The following NBAS variants were observed in gnomAD, a reference collection of about 807,000 sequenced individuals.
NBAS encodes the protein NAG/BC035112 fusion.
Under a neutral mutation model 302.5 loss-of-function variants are expected in NBAS, and 219 were observed. The observed-to-expected ratio is 0.72, with a 90% CI of 0.65 to 0.81. The LOEUF is 0.81. Ranked by LOEUF, NBAS falls within the 30% of genes least tolerant of loss-of-function variation. NBAS has a pLI of 0.00. For synonymous variants in NBAS, 1,118 were observed against 1,021.6 expected (o/e 1.09, Z -1.80); for missense variants, 2,932 against 2,841.6 (o/e 1.03, Z -0.72).
intron 9 of NBAS, among the ~76,000 whole-genome samples, chr2:15,522,611 T>C (rs1454356785): frequency 6.6e-6 from 1 of 152,094 alleles, no homozygotes; most frequent in Non-Finnish European, 1.5e-5. Context: ...AGGCTGCCTA[T>C]AAAAATATAT....
chr2:15,153,907 C>G, the NBAS span, among the ~76,000 whole-genome samples: 1 of 152,134 alleles, frequency 6.6e-6, no homozygotes, highest in South Asian at 2.1e-4. Flanking sequence ...CAGTGCTGTA[C>G]TAATGTGTGT....
At chr2:15,185,602 G>C (rs1665037930) in intron 50 of NBAS, among the ~76,000 whole-genome samples, 1 of 152,166 alleles carries the variant, frequency 6.6e-6, no homozygotes, top group Non-Finnish European at 1.5e-5. Flanking sequence ...CAATATAGCA[G>C]AGCAGATCAC....
chr2:15,141,317 T>G, the NBAS span, among the ~76,000 whole-genome samples: 1 of 152,204 alleles, frequency 6.6e-6, no homozygotes, highest in Non-Finnish European at 1.5e-5. Context: ...ATGAGTTCAG[T>G]GATTTCACAC....
intron 21 of NBAS, among the ~76,000 whole-genome samples, chr2:15,446,021 A>T (rs1678720128): frequency 6.6e-6 from 1 of 152,234 alleles, no homozygotes; most frequent in South Asian, 2.1e-4. Context: ...TATAAAAAAG[A>T]AACTTTTTAA....
chr2:15,519,217 A>C (rs1170849978), intron 9 of NBAS, among the ~76,000 whole-genome samples: 1 of 152,198 alleles, frequency 6.6e-6, no homozygotes, highest in Non-Finnish European at 1.5e-5. Context: ...CTGAAGAAAC[A>C]TCTTAGTAAA....
At chr2:14,831,100 C>A in the NBAS span, among the ~76,000 whole-genome samples, 2 of 152,152 alleles carry the variant, frequency 1.3e-5, no homozygotes, top group Non-Finnish European at 1.5e-5. Flanking sequence ...TGCTTTGTGC[C>A]ACATGGGGAA....
chr2:15,275,972 T>A (rs1669565759), intron 43 of NBAS, among the ~76,000 whole-genome samples, 154 bp from the exon 44 acceptor site: 1 of 152,166 alleles, frequency 6.6e-6, no homozygotes, highest in Non-Finnish European at 1.5e-5. Flanking sequence ...ATTAGAAAGA[T>A]CAGGAGATCT....
chr2:14,906,011 C>A, the NBAS span, among the ~76,000 whole-genome samples: 184 of 152,264 alleles, frequency 1.2e-3, 2 homozygotes, highest in Non-Finnish European at 1.3e-3. Flanking sequence ...TTCCCAAGGG[C>A]AAGGAATATT....
At chr2:15,403,062 A>G (rs1676230829) in intron 25 of NBAS, among the ~76,000 whole-genome samples, 1 of 150,420 alleles carries the variant, frequency 6.6e-6, no homozygotes, top group Non-Finnish European at 1.5e-5. Flanking sequence ...GCATGCTTAT[A>G]TTATTAGCAC....
At chr2:15,514,885 A>C (rs1662314257) in intron 9 of NBAS, among the ~76,000 whole-genome samples, 1 of 152,150 alleles carries the variant, frequency 6.6e-6, no homozygotes, top group South Asian at 2.1e-4. Flanking sequence ...CAAAAGGTTA[A>C]GATCCCCTAA....
chr2:15,176,052 A>C (rs1291363288), intron 51 of NBAS, among the ~76,000 whole-genome samples: 1 of 152,182 alleles, frequency 6.6e-6, no homozygotes, highest in East Asian at 1.9e-4. Flanking sequence ...TTATTGATGA[A>C]CTCAAGCGCC....
At chr2:15,238,066 C>T (rs1667684042) in intron 45 of NBAS, among the ~76,000 whole-genome samples, 1 of 152,138 alleles carries the variant, frequency 6.6e-6, no homozygotes. Context: ...TGAGCCACCG[C>T]GCCCAGCCTA....
intron 48 of NBAS, among the ~76,000 whole-genome samples, chr2:15,195,771 C>T (rs1665592198): frequency 1.3e-5 from 2 of 152,266 alleles, no homozygotes; most frequent in East Asian, 1.9e-4. Context: ...AGCATGTACA[C>T]TAAGAGGCAA....
At chr2:15,285,685 C>T (rs576578349) in intron 42 of NBAS, among the ~76,000 whole-genome samples, 3 of 152,268 alleles carry the variant, frequency 2.0e-5, no homozygotes, top group African/African-American at 7.2e-5. Context: ...CAGAGTCTCG[C>T]TCTGTTGCCT....
the NBAS span, among the ~76,000 whole-genome samples, chr2:14,860,717 T>C: frequency 6.6e-6 from 1 of 151,806 alleles, no homozygotes; most frequent in Non-Finnish European, 1.5e-5. Context: ...GAAGGGAGGG[T>C]GATTAATGGG....
the NBAS span, among the ~76,000 whole-genome samples, chr2:14,937,488 A>T: frequency 1.3e-5 from 2 of 152,160 alleles, no homozygotes; most frequent in Admixed American, 1.3e-4. Context: ...TTTCACCTGC[A>T]TGTGTCCTAC....
At chr2:15,401,402 A>G (rs1343280090) in intron 26 of NBAS, among the ~76,000 whole-genome samples, 1 of 152,196 alleles carries the variant, frequency 6.6e-6, no homozygotes, top group African/African-American at 2.4e-5. Flanking sequence ...GGGAGAAGAT[A>G]AAAAGAGAGC....
At chr2:15,508,589 T>A (rs969001610) in intron 10 of NBAS, among the ~76,000 whole-genome samples, 1 of 152,180 alleles carries the variant, frequency 6.6e-6, no homozygotes, top group African/African-American at 2.4e-5. Flanking sequence ...CGAGTATACC[T>A]CTCACCTAGC....
At chr2:15,320,365 C>A (rs563393369) in intron 38 of NBAS, among the ~76,000 whole-genome samples, 20 of 152,260 alleles carry the variant, frequency 1.3e-4, no homozygotes, top group African/African-American at 4.8e-4. Context: ...TCTCACCACA[C>A]CTATTCAACA....
Sources: gnomAD v4.1 joint callset for allele counts (sites outside exome capture counted in the v4.1 genomes callset) on GRCh38, gnomAD v4.1.1 for gene constraint, MANE v1.5 for transcripts, NCBI Gene and HGNC (gene_info 2026-07-23, HGNC 2026-07-21) for gene names.